Variants in SAMD4A observed in about 807,000 individuals in gnomAD.
SAMD4A encodes the protein sterile alpha motif domain containing 4A.
SAMD4A carries 33 observed loss-of-function variants against 81.3 expected under a neutral mutation model. That is an observed-to-expected ratio of 0.41 (90% CI 0.31 to 0.54). The LOEUF is 0.54. SAMD4A is among the 20% of genes least tolerant of loss of function. The pLI is 0.37. For synonymous variants in SAMD4A, 389 were observed against 382.1 expected (o/e 1.02, Z -0.21); for missense variants, 854 against 951.1 (o/e 0.90, Z 1.34).
rs1433787585 is a variant in SAMD4A, at chr14:54,733,665, G to A, written c.716-3359G>A. Reference sequence around the variant, plus strand: ...TTGGCAGCATTTGAATAGGACTTCTGGGTAGCTGAGGTCTGAATGAACCGT... The same window carrying A: ...TTGGCAGCATTTGAATAGGACTTCTAGGTAGCTGAGGTCTGAATGAACCGT... On this transcript the variant is annotated intron_variant, in intron 3 of 12. Transcript: ENST00000554335. Among the ~76,000 whole-genome samples, 5 of 152,034 alleles carry A rather than the reference G, an allele frequency of 3.3e-5. No individual in the cohort carries two copies. The East Asian group carries it at 7.7e-4, about 23-fold the overall frequency.
intron 2 of SAMD4A, among the ~76,000 whole-genome samples, chr14:54,653,458 G>C (rs2035453135): frequency 6.6e-6 from 1 of 151,658 alleles, no homozygotes; most frequent in Non-Finnish European, 1.5e-5. Flanking sequence ...TTCTGCCTCA[G>C]CCTCCTGAGT....
rs1449970675 is a variant in SAMD4A at position 54,734,431 on chromosome 14, C to G, written c.716-2593C>G. Among the ~76,000 whole-genome samples the G allele has an allele frequency of 2.0e-5, 3 of 152,152 alleles. No homozygotes were observed. In the East Asian group the frequency reaches 5.8e-4, roughly 29 times the overall value. On this transcript the variant is annotated intron_variant, in intron 3 of 12. Transcript: ENST00000554335. Reference sequence around the variant, plus strand: ...CATTATGATATAGAGTGTATGAGCCCTTTATAGAAAGTCATCAGGAAAAGA... The same window carrying G: ...CATTATGATATAGAGTGTATGAGCCGTTTATAGAAAGTCATCAGGAAAAGA...
chr14:54,605,524 T>A (rs2034175185), intron 2 of SAMD4A, among the ~76,000 whole-genome samples: 2 of 152,142 alleles, frequency 1.3e-5, no homozygotes, highest in South Asian at 4.1e-4. Context: ...AGCCACCAAA[T>A]TGTGTTATTT....
At chr14:54,661,238 T>C (rs562080721) in intron 2 of SAMD4A, among the ~76,000 whole-genome samples, 1 of 152,350 alleles carries the variant, frequency 6.6e-6, no homozygotes, top group South Asian at 2.1e-4. Flanking sequence ...TCTAGGACAA[T>C]GATATAACTT....
chr14:54,788,370 C>T (rs917133267), intron 12 of SAMD4A, among the ~76,000 whole-genome samples: 1 of 152,168 alleles, frequency 6.6e-6, no homozygotes, highest in Admixed American at 6.5e-5. Flanking sequence ...CACCCCATCT[C>T]CTCTACTGCA....
At chr14:54,576,751 T>C (rs1292626532) in intron 2 of SAMD4A, among the ~76,000 whole-genome samples, 1 of 152,204 alleles carries the variant, frequency 6.6e-6, no homozygotes, top group African/African-American at 2.4e-5. Flanking sequence ...TATTTCCTGA[T>C]GAATTAATGG....
intron 2 of SAMD4A, among the ~76,000 whole-genome samples, chr14:54,624,838 A>G (rs2034707835): frequency 6.6e-6 from 1 of 152,142 alleles, no homozygotes; most frequent in South Asian, 2.1e-4. Context: ...AGGATACAGC[A>G]CGGATATACA....
At position 54,740,126 on chromosome 14, in the gene SAMD4A, C is replaced by T. The variant is rs150464658; in HGVS notation, c.979+2839C>T. Among the ~76,000 whole-genome samples, 573 of 152,262 alleles carry T rather than the reference C, an allele frequency of 3.8e-3. 3 individuals are homozygous for T. Among genetic ancestry groups the T allele is most frequent in the African/African-American group, 0.013 (537 of 41,528 alleles). Reference sequence around the variant, plus strand: ...TAGAGGTTGCAGTGAGCCAAGATCGCGCCACTGCACTCCAGCCTGGGCAAC... The same window carrying T: ...TAGAGGTTGCAGTGAGCCAAGATCGTGCCACTGCACTCCAGCCTGGGCAAC... On this transcript the variant is annotated intron_variant, in intron 4 of 12. Coordinates refer to ENST00000554335, the MANE Select transcript of SAMD4A (RefSeq NM_015589.6).
chr14:54,707,672 G>A (rs1021220453), intron 3 of SAMD4A, among the ~76,000 whole-genome samples: 6 of 152,128 alleles, frequency 3.9e-5, no homozygotes, highest in Non-Finnish European at 7.4e-5. Context: ...ATGAAACAGG[G>A]TGGTCAGGGT....
chr14:54,580,815 T>A lies in SAMD4A; in HGVS notation c.196+12703T>A, dbSNP rs570571067. Reference sequence around the variant, plus strand: ...ATCCTCCAGTGCCTAATAGTGTGTCTAGCACATAGGTGATCTCAGAACGTT... The same window carrying A: ...ATCCTCCAGTGCCTAATAGTGTGTCAAGCACATAGGTGATCTCAGAACGTT... On this transcript the variant is annotated intron_variant, in intron 2 of 12. Coordinates refer to ENST00000554335, the MANE Select transcript of SAMD4A (RefSeq NM_015589.6). Among the ~76,000 whole-genome samples, 8 of 152,348 alleles carry A rather than the reference T, an allele frequency of 5.3e-5. No individual in the cohort carries two copies. In the East Asian group the frequency reaches 1.5e-3, roughly 29 times the overall value.
chr14:54,609,063 C>T (rs1319244408), intron 2 of SAMD4A, among the ~76,000 whole-genome samples: 1 of 152,206 alleles, frequency 6.6e-6, no homozygotes, highest in Non-Finnish European at 1.5e-5. Flanking sequence ...TCCTAATCTC[C>T]AGAACCTGTG....
chr14:54,592,694 C>T (rs745491866), intron 2 of SAMD4A, among the ~76,000 whole-genome samples: 1 of 152,186 alleles, frequency 6.6e-6, no homozygotes, highest in Non-Finnish European at 1.5e-5. Context: ...CTCCTGACCT[C>T]GTGATCCCCC....
intron 6 of SAMD4A, among the ~76,000 whole-genome samples, chr14:54,757,407 G>GTTT (rs2038271364): frequency 6.8e-6 from 1 of 147,486 alleles, no homozygotes; most frequent in African/African-American, 2.6e-5. Context: ...GTGTGTGTGT[G>GTTT]TGTGTGTGTG....
chr14:54,731,141 C>G (rs1335233535), intron 3 of SAMD4A, among the ~76,000 whole-genome samples: 1 of 152,156 alleles, frequency 6.6e-6, no homozygotes, highest in African/African-American at 2.4e-5. Flanking sequence ...ACAAAATGAA[C>G]AGAAACACCC....
At chr14:54,646,712 A>G (rs2035295316) in intron 2 of SAMD4A, among the ~76,000 whole-genome samples, 1 of 152,222 alleles carries the variant, frequency 6.6e-6, no homozygotes, top group Non-Finnish European at 1.5e-5. Context: ...GTTCACTGGG[A>G]GAATGGGCCT....
intron 2 of SAMD4A, among the ~76,000 whole-genome samples, chr14:54,609,140 A>G (rs1366509637): frequency 6.6e-6 from 1 of 152,208 alleles, no homozygotes; most frequent in African/African-American, 2.4e-5. Context: ...GGTTGAGTTT[A>G]AAATAGGAAG....
upstream of SAMD4A, among the ~76,000 whole-genome samples, chr14:54,566,119 G>T (rs189242539): frequency 1.9e-4 from 29 of 152,002 alleles, no homozygotes; most frequent in African/African-American, 7.0e-4. Context: ...AGTCCTCCGC[G>T]AGCCGACACT....
At chr14:54,695,601 A>C (rs72660232) in intron 2 of SAMD4A, among the ~76,000 whole-genome samples, 14,761 of 152,298 alleles carry the variant, frequency 0.097, 872 homozygotes, top group East Asian at 0.23. Context: ...GGTGAATACC[A>C]GTAGTCTAGG....
intron 4 of SAMD4A, among the ~76,000 whole-genome samples, chr14:54,741,231 A>G (rs1336163787): frequency 1.3e-5 from 2 of 152,226 alleles, no homozygotes; most frequent in African/African-American, 4.8e-5. Flanking sequence ...TGTCTCATAC[A>G]AGACTTTCAG....
Sources: allele counts gnomAD v4.1 joint callset (sites outside exome capture counted in the v4.1 genomes callset), GRCh38; gene constraint gnomAD v4.1.1; transcripts MANE v1.5; gene names NCBI Gene and HGNC (gene_info 2026-07-23, HGNC 2026-07-21).